The following RAB6A variants were observed in gnomAD, a reference collection of about 807,000 sequenced individuals.
The protein encoded by RAB6A is ras-related protein Rab-6A.
A neutral mutation model predicts 32.3 loss-of-function variants in RAB6A; 8 were observed. The observed-to-expected ratio is 0.25, with a 90% CI of 0.15 to 0.45. The LOEUF (loss-of-function observed/expected upper bound fraction) is 0.45. Ranked by LOEUF, RAB6A falls within the 20% of genes least tolerant of loss-of-function variation. The pLI is 1.00. For synonymous variants in RAB6A, 73 were observed against 82.1 expected, an observed-to-expected ratio of 0.89 and a Z score of 0.60; for missense variants, 104 against 249.4, an observed-to-expected ratio of 0.42 and a Z score of 3.93.
intron 1 of RAB6A, among the ~76,000 whole-genome samples, chr11:73,739,603 T>C (rs1477778560): frequency 6.6e-6 from 1 of 151,726 alleles, no homozygotes; most frequent in Non-Finnish European, 1.5e-5. Flanking sequence ...CTAAGGTTGA[T>C]TATTAAAAGT....
chr11:73,714,913 C>T (rs1245855727), intron 5 of RAB6A, among the ~76,000 whole-genome samples: 1 of 152,060 alleles, frequency 6.6e-6, no homozygotes. Context: ...TTGTAATGAG[C>T]TGAGATCACA....
intron 4 of RAB6A, among the ~76,000 whole-genome samples, chr11:73,717,476 T>C (rs942622337): frequency 1.2e-4 from 18 of 152,208 alleles, no homozygotes; most frequent in African/African-American, 3.9e-4. Flanking sequence ...CAGAGTTTTG[T>C]TCTTGTTGCC....
intron 6 of RAB6A, among the ~76,000 whole-genome samples, chr11:73,692,003 C>T (rs986738819): frequency 1.1e-4 from 17 of 151,966 alleles, no homozygotes; most frequent in African/African-American, 3.9e-4. Flanking sequence ...AAAAGTGCAG[C>T]ACAAATGTTT....
chr11:73,736,812 A>AG (rs1946402160), intron 1 of RAB6A, among the ~76,000 whole-genome samples: 1 of 138,240 alleles, frequency 7.2e-6, no homozygotes, highest in South Asian at 2.2e-4. Flanking sequence ...AAAAAAAGAA[A>AG]AAAAAAAAAA....
Position 73,718,595 on chromosome 11 carries a change from A to G in RAB6A, c.289+18T>C, listed in dbSNP as rs118010480. On this transcript the variant is annotated intron_variant, in intron 4 of 7. Transcript: ENST00000336083. ...AAGGTTGAAAGAAGATTAGAAATGC[A>G]TAATTCCCTCCACTCACTTGTGATA... 3,936 of 1,586,370 alleles carry G rather than the reference A, an allele frequency of 2.5e-3. 8 individuals carry two copies. The highest frequency in any genetic ancestry group is 2.9e-3 in the Non-Finnish European group (3,396 of 1,160,984).
At chr11:73,734,715 A>G (rs1167690565) in intron 1 of RAB6A, among the ~76,000 whole-genome samples, 1 of 152,156 alleles carries the variant, frequency 6.6e-6, no homozygotes, top group Admixed American at 6.6e-5. Flanking sequence ...CTGATCTGAC[A>G]GGAGGTGGAG....
chr11:73,747,968 T>C (rs777548154), intron 1 of RAB6A, among the ~76,000 whole-genome samples: 9 of 152,216 alleles, frequency 5.9e-5, no homozygotes, highest in Non-Finnish European at 1.0e-4. Context: ...GTCTACAGTG[T>C]TTCTTCACCC....
intron 6 of RAB6A, among the ~76,000 whole-genome samples, chr11:73,700,615 G>C (rs760151442): frequency 3.1e-5 from 4 of 128,028 alleles, no homozygotes; most frequent in Non-Finnish European, 6.7e-5. Context: ...TGTGTGGGGG[G>C]GGGGGGGGGA....
chr11:73,740,930 G>A lies in RAB6A; in HGVS notation c.71-10107C>T, dbSNP rs527290016. Among the ~76,000 whole-genome samples, 8 of 151,550 alleles carry A rather than the reference G, an allele frequency of 5.3e-5. No individual in the cohort carries two copies. In the South Asian group the frequency reaches 6.3e-4, roughly 12 times the overall value. ...AAAACTACACTACACCTGTACAGTC[G>A]TATTTAAAAATGGAGAGAATGAATG... On this transcript the variant is annotated intron_variant, in intron 1 of 7. Transcript: ENST00000336083.
In RAB6A at chr11:73,738,026, T is replaced by C. The variant is rs555365126; in HGVS notation, c.71-7203A>G. 3.3e-5 allele frequency among the ~76,000 whole-genome samples: 5 copies of C among 151,636 alleles called. No homozygotes were observed. In the East Asian group the frequency reaches 9.7e-4, roughly 29 times the overall value. ...AAAAAAAAAAAAGACCACATGTTAT[T>C]AATATATACTAAAAACCACTAAACT... On this transcript the variant is annotated intron_variant, in intron 1 of 7. Transcript: ENST00000336083.
intron 6 of RAB6A, among the ~76,000 whole-genome samples, chr11:73,694,069 C>T (rs1195534952): frequency 6.6e-6 from 1 of 152,160 alleles, no homozygotes; most frequent in East Asian, 1.9e-4. Context: ...ACAAACAAAA[C>T]TCCAGATGCT....
chr11:73,699,470 A>G (rs993104134), intron 6 of RAB6A, among the ~76,000 whole-genome samples: 1 of 152,038 alleles, frequency 6.6e-6, no homozygotes, highest in African/African-American at 2.4e-5. Context: ...TATTCTGTAG[A>G]GACAAGTTTT....
intron 1 of RAB6A, among the ~76,000 whole-genome samples, 176 bp downstream of exon 1, chr11:73,760,390 A>T (rs984912486): frequency 6.6e-6 from 1 of 152,070 alleles, no homozygotes; most frequent in African/African-American, 2.4e-5. Context: ...AACAGGGTAA[A>T]AACTCGGCCA....
rs372704792 is a variant in RAB6A at position 73,746,167 on chromosome 11, G to GA, written c.70+14398dup. Among the ~76,000 whole-genome samples the GA allele has an allele frequency of 3.4e-3, 417 of 120,900 alleles. 2 individuals carry two copies. The highest frequency in any genetic ancestry group is 5.3e-3 in the Non-Finnish European group (290 of 54,900). The allele number at this position is 120,900 out of a possible 152,430, so 79.3% of individuals were successfully genotyped here. A position where few individuals can be genotyped will look rare whatever the true frequency, so the allele number is the denominator to read the frequency against. ...CAACAGAGACCCCATCAATTTAAAAGAAAAAAAAAAAGCTGTTGTAAGCTA... is the reference window on the plus strand; with the variant it reads ...CAACAGAGACCCCATCAATTTAAAAGAAAAAAAAAAAAGCTGTTGTAAGCTA... On this transcript the variant is annotated intron_variant, in intron 1 of 7. Coordinates refer to ENST00000336083, the MANE Select transcript of RAB6A (RefSeq NM_198896.2).
At chr11:73,757,056 A>T (rs1946760928) in intron 1 of RAB6A, among the ~76,000 whole-genome samples, 1 of 141,980 alleles carries the variant, frequency 7.0e-6, no homozygotes, top group African/African-American at 2.6e-5. Flanking sequence ...GTACTGACAC[A>T]ATTCATTTTC....
chr11:73,722,337 ATATATATTT>A (rs1435438761), intron 2 of RAB6A: 3 of 9,978 alleles, frequency 3.0e-4, no homozygotes, highest in Non-Finnish European at 5.3e-4. Flanking sequence ...ATATATATAT[ATATATATTT>A]TTTTTTTTTT....
intron 1 of RAB6A, among the ~76,000 whole-genome samples, chr11:73,749,021 A>G (rs145510290): frequency 0.024 from 3,718 of 152,212 alleles, 76 homozygotes; most frequent in Non-Finnish European, 0.03. Flanking sequence ...ACTACTTGGG[A>G]GGCTGAGGCA....
chr11:73,708,494 G>C (rs1590847981), intron 5 of RAB6A, among the ~76,000 whole-genome samples: 1 of 141,890 alleles, frequency 7.0e-6, no homozygotes, highest in African/African-American at 2.7e-5. Context: ...TGTAAGTGAA[G>C]TAAGTGAGTC....
intron 6 of RAB6A, among the ~76,000 whole-genome samples, chr11:73,692,338 TA>T (rs766726740): frequency 6.7e-6 from 1 of 148,802 alleles, no homozygotes; most frequent in East Asian, 2.0e-4. Flanking sequence ...CCGTCTCTAC[TA>T]AAAAATACAA....
Sources: allele counts gnomAD v4.1 joint callset (sites outside exome capture counted in the v4.1 genomes callset), GRCh38; gene constraint gnomAD v4.1.1; transcripts MANE v1.5; gene names NCBI Gene and HGNC (gene_info 2026-07-23, HGNC 2026-07-21).